Variants in KCNIP1 observed in about 807,000 individuals in gnomAD.
KCNIP1 encodes potassium voltage-gated channel interacting protein 1.
A neutral mutation model predicts 33.0 loss-of-function variants in KCNIP1; 18 were observed. The ratio of observed to expected loss-of-function variants is 0.55; its 90% CI spans 0.38 to 0.81. The LOEUF (loss-of-function observed/expected upper bound fraction) is 0.81, where lower values mean the gene tolerates loss of function less well. Ranked by LOEUF, KCNIP1 falls within the 30% of genes least tolerant of loss-of-function variation. The pLI is 0.00. For missense variants in KCNIP1, 238 were observed against 271.6 expected (o/e 0.88, Z 0.87); for synonymous variants, 93 against 98.3 (o/e 0.95, Z 0.32).
At chr5:170,674,981 T>G (rs35739924) in intron 1 of KCNIP1, among the ~76,000 whole-genome samples, 4,841 of 152,022 alleles carry the variant, frequency 0.032, 134 homozygotes, top group African/African-American at 0.075. Flanking sequence ...TTTTGTTTTT[T>G]TTTTTTTAAC....
chr5:170,620,350 A>C (rs1160145526), intron 1 of KCNIP1, among the ~76,000 whole-genome samples: 2 of 152,212 alleles, frequency 1.3e-5, no homozygotes, highest in Non-Finnish European at 2.9e-5. Context: ...TCATTAGTAC[A>C]GGAAAGGCAC....
chr5:170,614,912 G>T (rs1485653081), intron 1 of KCNIP1, among the ~76,000 whole-genome samples: 1 of 152,194 alleles, frequency 6.6e-6, no homozygotes, highest in East Asian at 1.9e-4. Flanking sequence ...CTTCACAGAT[G>T]GTTAAAGCAA....
At chr5:170,445,074 G>A (rs1159802358) in intron 1 of KCNIP1, among the ~76,000 whole-genome samples, 1 of 152,222 alleles carries the variant, frequency 6.6e-6, no homozygotes, top group East Asian at 1.9e-4. Flanking sequence ...GCTACCCTGT[G>A]CCAGTGAGGT....
intron 1 of KCNIP1, among the ~76,000 whole-genome samples, chr5:170,371,632 C>T (rs1763848160): frequency 6.6e-6 from 1 of 152,144 alleles, no homozygotes; most frequent in Admixed American, 6.5e-5. Flanking sequence ...TAATAATAAC[C>T]TCAAAGGATG....
chr5:170,517,482 CAAT>C (rs544376862), intron 1 of KCNIP1, among the ~76,000 whole-genome samples: 272 of 151,906 alleles, frequency 1.8e-3, no homozygotes, highest in African/African-American at 5.8e-3. Flanking sequence ...GGCTTCATGG[CAAT>C]AATGATGATG....
At position 170,489,349 on chromosome 5, in the gene KCNIP1, T is replaced by A. The variant is rs1165727670; in HGVS notation, c.88+135385T>A. The stretch of plus-strand genomic sequence containing the variant: ...TCAGCAGAGAAGGAATGAGACTGTC[T>A]GGTTGCCGCTAGACTTTGGCCAGGG... On this transcript the variant is annotated intron_variant, in intron 1 of 7. Coordinates refer to the KCNIP1 transcript ENST00000377360. The surrounding 1 kb of genome is among the most constrained non-coding windows in gnomAD (Gnocchi z 4.3). Among the ~76,000 whole-genome samples, 1 of 152,242 alleles carries A rather than the reference T, an allele frequency of 6.6e-6. No individual in the cohort carries two copies. Among genetic ancestry groups the A allele is most frequent in the Non-Finnish European group, 1.5e-5 (1 of 68,042 alleles).
At chr5:170,425,560 G>A (rs1249990340) in intron 1 of KCNIP1, among the ~76,000 whole-genome samples, 1 of 152,190 alleles carries the variant, frequency 6.6e-6, no homozygotes, top group East Asian at 1.9e-4. Context: ...CTGCAAAGCT[G>A]AGTCTAAAGG....
intron 1 of KCNIP1, among the ~76,000 whole-genome samples, chr5:170,491,047 C>G (rs1314598206): frequency 6.6e-6 from 1 of 152,234 alleles, no homozygotes; most frequent in Admixed American, 6.5e-5. Context: ...ACCATCACCT[C>G]TTGGTTTTTG....
At chr5:170,383,690 G>T in intron 1 of KCNIP1, 2 of 1,614,108 alleles carry the variant, frequency 1.2e-6, no homozygotes, top group Non-Finnish European at 1.7e-6. Context: ...TGCTGGTTCT[G>T]GTCCCGAGTG....
chr5:170,713,337 A>G (rs139314745), intron 1 of KCNIP1, among the ~76,000 whole-genome samples: 1 of 152,338 alleles, frequency 6.6e-6, no homozygotes, highest in African/African-American at 2.4e-5. Flanking sequence ...GTTTAAATAA[A>G]CAGTGAGGAG....
chr5:170,509,765 T>C (rs1373143213), intron 1 of KCNIP1, among the ~76,000 whole-genome samples: 2 of 152,168 alleles, frequency 1.3e-5, no homozygotes, highest in African/African-American at 4.8e-5. Context: ...CTCCCCAAAG[T>C]TGAAAAATAT....
intron 1 of KCNIP1, among the ~76,000 whole-genome samples, chr5:170,636,830 C>T (rs1561733317): frequency 6.6e-6 from 1 of 152,090 alleles, no homozygotes; most frequent in Non-Finnish European, 1.5e-5. Flanking sequence ...ACTGACCACC[C>T]AATAAAGGCA....
intron 1 of KCNIP1, among the ~76,000 whole-genome samples, chr5:170,477,899 A>G (rs1053281721): frequency 1.3e-5 from 2 of 152,352 alleles, no homozygotes; most frequent in East Asian, 3.9e-4. Flanking sequence ...CCACATCTTC[A>G]TAGATCTATA....
chr5:170,454,422 T>C (rs964291538), intron 1 of KCNIP1, among the ~76,000 whole-genome samples: 9 of 152,220 alleles, frequency 5.9e-5, no homozygotes, highest in African/African-American at 2.2e-4. Context: ...TAGAGGAGTG[T>C]ACCTAAACCT....
chr5:170,671,997 G>A (rs906572837), intron 1 of KCNIP1, among the ~76,000 whole-genome samples: 1 of 152,234 alleles, frequency 6.6e-6, no homozygotes, highest in African/African-American at 2.4e-5. Flanking sequence ...TTTTATGGAT[G>A]TGGAGAAGAA....
chr5:170,392,550 T>C (rs550051110), intron 1 of KCNIP1, among the ~76,000 whole-genome samples: 5 of 152,200 alleles, frequency 3.3e-5, no homozygotes, highest in Non-Finnish European at 7.3e-5. Context: ...AGGTAGGGCA[T>C]GGTGGCTCAT....
intron 1 of KCNIP1, among the ~76,000 whole-genome samples, chr5:170,533,495 G>A (rs1755858430): frequency 6.6e-6 from 1 of 152,182 alleles, no homozygotes; most frequent in African/African-American, 2.4e-5. Flanking sequence ...CCAGGCTGAA[G>A]AGCCTTAACC....
At chr5:170,614,340 A>C (rs1056435462) in intron 1 of KCNIP1, among the ~76,000 whole-genome samples, 1 of 152,196 alleles carries the variant, frequency 6.6e-6, no homozygotes, top group African/African-American at 2.4e-5. Context: ...ACTAGGGGCT[A>C]TAATTCATGC....
chr5:170,513,060 A>G (rs1171559421), intron 1 of KCNIP1, among the ~76,000 whole-genome samples: 2 of 152,078 alleles, frequency 1.3e-5, no homozygotes, highest in Non-Finnish European at 2.9e-5. Context: ...GGAAAAAAAA[A>G]AAAAACCTCA....
Sources: gnomAD v4.1 joint callset for allele counts (sites outside exome capture counted in the v4.1 genomes callset) on GRCh38, gnomAD v4.1.1 for gene constraint, Gnocchi (gnomAD v3.1) non-coding constraint, MANE v1.5 for transcripts, NCBI Gene and HGNC (gene_info 2026-07-23, HGNC 2026-07-21) for gene names.